The following NLRP13 variants were observed in gnomAD, a reference collection of about 807,000 sequenced individuals.
The protein encoded by NLRP13 is NLR family pyrin domain containing 13.
A neutral mutation model predicts 94.4 loss-of-function variants in NLRP13; 82 were observed. The ratio of observed to expected loss-of-function variants is 0.87; its 90% CI spans 0.73 to 1.04. The LOEUF (loss-of-function observed/expected upper bound fraction) is 1.04. NLRP13 is among the 50% of genes least tolerant of loss of function. The pLI is 0.00. For missense variants in NLRP13, 1,426 were observed against 1,230.8 expected (o/e 1.16, Z -2.37); for synonymous variants, 553 against 464.7 (o/e 1.19, Z -2.45).
intron 4 of NLRP13, among the ~76,000 whole-genome samples, chr19:55,923,637 C>T (rs561038440): frequency 7.2e-4 from 109 of 152,314 alleles, no homozygotes; most frequent in African/African-American, 2.5e-3. Flanking sequence ...TAGCACCCTC[C>T]TCAGTATCTG....
Position 55,931,982 on chromosome 19 carries a change from AG to A in NLRP13, c.319+10del. ...AGCAGCCCTCCCGCCTTCCTTCTTG[AG>A]GACTCTCACCTTTCATCTCGGCTCT... On this transcript the variant is annotated intron_variant, in intron 1 of 10. Transcript: ENST00000342929. 1 of 1,611,870 alleles carries A rather than the reference AG, an allele frequency of 6.2e-7. No individual in the cohort carries two copies. Among genetic ancestry groups the A allele is most frequent in the Non-Finnish European group, 8.5e-7 (1 of 1,179,740 alleles).
chr19:55,899,519 C>T (rs984697282), intron 9 of NLRP13, among the ~76,000 whole-genome samples: 1 of 152,030 alleles, frequency 6.6e-6, no homozygotes, highest in African/African-American at 2.4e-5. Flanking sequence ...CGGTGGCTCA[C>T]GCCTGTAATC....
chr19:55,922,592 C>A (rs928237436), intron 4 of NLRP13, among the ~76,000 whole-genome samples: 1 of 152,224 alleles, frequency 6.6e-6, no homozygotes, highest in African/African-American at 2.4e-5. Context: ...TCCCCAAGTG[C>A]TGGGATTACC....
Position 55,902,183 on chromosome 19 carries a change from C to T in NLRP13, c.2641G>A (p.Ala881Thr). ...RLELWFCQLAAPACKHLSDAL... is the reference protein window; with the variant it reads ...RLELWFCQLATPACKHLSDAL... The stretch of plus-strand genomic sequence containing the variant: ...TCTGACAAGTGCTTGCAAGCGGGTG[C>T]TGCCAGCTGGCAAAACCAGAGCCTG... The change falls in exon 9 of 11, where the codon GCA (alanine) becomes ACA (threonine). Residue 881 changes from alanine (A) to threonine (T), a missense_variant. Coordinates refer to ENST00000342929, the MANE Select transcript of NLRP13 (RefSeq NM_176810.2). 6.2e-7 allele frequency: 1 copy of T among 1,613,918 alleles called. No homozygotes were observed. Among genetic ancestry groups the T allele is most frequent in the Non-Finnish European group, 8.5e-7 (1 of 1,179,938 alleles).
At chr19:55,921,168 T>C (rs1986815490) in intron 4 of NLRP13, among the ~76,000 whole-genome samples, 1 of 152,150 alleles carries the variant, frequency 6.6e-6, no homozygotes, top group Admixed American at 6.5e-5. Context: ...ATAGGTACAA[T>C]GTAGACTATT....
Position 55,910,888 on chromosome 19 carries a change from C to A in NLRP13, c.2112-155G>T, listed in dbSNP as rs188327767. Among the ~76,000 whole-genome samples, 94 of 152,322 alleles carry A rather than the reference C, an allele frequency of 6.2e-4. 3 individuals are homozygous for A. In the East Asian group the frequency reaches 0.017, roughly 28 times the overall value. ...GTGGCTCACGCCTGTAATCCCACCA[C>A]TTTGGGAGACCGTCGGGAGTTTGAG... On this transcript the variant is annotated intron_variant, in intron 5 of 10. Transcript: ENST00000342929.
At chr19:55,893,224 A>T (rs751904479), downstream of NLRP13, among the ~76,000 whole-genome samples, 1 of 152,028 alleles carries the variant, frequency 6.6e-6, no homozygotes. Flanking sequence ...CCCCATCTCT[A>T]CTAAAAATAC....
At chr19:55,894,305 G>A (rs1387127609), downstream of NLRP13, among the ~76,000 whole-genome samples, 1 of 152,104 alleles carries the variant, frequency 6.6e-6, no homozygotes, top group African/African-American at 2.4e-5. Context: ...GCCTCTCAAA[G>A]TGCTGGAATT....
intron 8 of NLRP13, among the ~76,000 whole-genome samples, 179 bp from the exon 9 acceptor site, chr19:55,902,384 C>G (rs1427416726): frequency 6.6e-6 from 1 of 152,176 alleles, no homozygotes; most frequent in African/African-American, 2.4e-5. Context: ...TACCATAACC[C>G]TCCCTCGATC....
At chr19:55,924,822 A>C in intron 2 of NLRP13, 145 bp downstream of exon 2, 1 of 810,822 alleles carries the variant, frequency 1.2e-6, no homozygotes. Context: ...TTTAATAAGC[A>C]ATACTGAAAG....
intron 4 of NLRP13, 135 bp downstream of exon 4, chr19:55,923,779 T>C (rs568563785): frequency 1.3e-5 from 9 of 676,868 alleles, no homozygotes; most frequent in African/African-American, 1.1e-4. Flanking sequence ...GAAGAACCAG[T>C]TGGGAAGAGC....
chr19:55,923,657 C>G (rs894271813), intron 4 of NLRP13, among the ~76,000 whole-genome samples: 1 of 152,202 alleles, frequency 6.6e-6, no homozygotes, highest in African/African-American at 2.4e-5. Context: ...GTGGGCAGCC[C>G]AGTCCCCTAG....
chr19:55,908,542 CCAAA>C (rs1986418245), intron 6 of NLRP13, among the ~76,000 whole-genome samples: 1 of 152,052 alleles, frequency 6.6e-6, no homozygotes, highest in South Asian at 2.1e-4. Flanking sequence ...CAATGATGGA[CCAAA>C]CAAAGAAAAT....
At chr19:55,908,604 G>T (rs1986420015) in intron 6 of NLRP13, among the ~76,000 whole-genome samples, 1 of 152,038 alleles carries the variant, frequency 6.6e-6, no homozygotes, top group East Asian at 1.9e-4. Context: ...AAAAAAGAAT[G>T]AGATCATGTC....
chr19:55,903,847 C>G (rs1282130331), intron 8 of NLRP13, among the ~76,000 whole-genome samples: 1 of 152,152 alleles, frequency 6.6e-6, no homozygotes, highest in African/African-American at 2.4e-5. Flanking sequence ...AGCCCTATCT[C>G]TTGCTCATAC....
In NLRP13 at chr19:55,922,311, ATTG is replaced by A. The variant is rs796473108; in HGVS notation, c.523+1600_523+1602del. On this transcript the variant is annotated intron_variant, in intron 4 of 10. Coordinates refer to ENST00000342929, the MANE Select transcript of NLRP13 (RefSeq NM_176810.2). ...TGTCTCTCAAAGAGGTTTTTTTTTT[ATTG>A]TTGTTTTTTGTTTTTTTGTTTGTTT... Among the ~76,000 whole-genome samples, 25 of 150,878 alleles carry A rather than the reference ATTG, an allele frequency of 1.7e-4. 1 individual carries two copies. The South Asian group carries it at 4.2e-3, about 25-fold the overall frequency.
chr19:55,915,395 C>T (rs1438494379), intron 4 of NLRP13, among the ~76,000 whole-genome samples: 2 of 151,806 alleles, frequency 1.3e-5, no homozygotes, highest in African/African-American at 2.4e-5. Context: ...GTCAGGAGTT[C>T]GAGACCAGCC....
rs574298107 is a variant in NLRP13, at chr19:55,927,944, G to A, written c.320-2909C>T. 2.2e-4 allele frequency among the ~76,000 whole-genome samples: 34 copies of A among 152,180 alleles called. No homozygotes were observed. The Middle Eastern group carries it at 0.01, about 46-fold the overall frequency. On this transcript the variant is annotated intron_variant, in intron 1 of 10. Coordinates refer to ENST00000342929, the MANE Select transcript of NLRP13 (RefSeq NM_176810.2). ...GGTCCCTGTATACACAGTTGTGTCC[G>A]CAAACTCACTCTCAGATGCATATCC...
At chr19:55,895,198 T>TAAA (rs112514218), downstream of NLRP13, among the ~76,000 whole-genome samples, 3,687 of 140,366 alleles carry the variant, frequency 0.026, 113 homozygotes, top group African/African-American at 0.073. Context: ...AAAAGTATGT[T>TAAA]AAAAAAAAAA....
Sources: gnomAD v4.1 joint callset for allele counts (sites outside exome capture counted in the v4.1 genomes callset) on GRCh38, gnomAD v4.1.1 for gene constraint, MANE v1.5 for transcripts, NCBI Gene and HGNC (gene_info 2026-07-23, HGNC 2026-07-21) for gene names.